SLC25A51: variants seen among roughly 807,000 people sequenced by gnomAD.
SLC25A51 encodes the protein solute carrier family 25 member 51, also known as mitochondrial nicotinamide adenine dinucleotide transporter SLC25A51.
A neutral mutation model predicts 19.1 loss-of-function variants in SLC25A51; 11 were observed. The observed-to-expected ratio is 0.58, with a 90% CI of 0.36 to 0.96. The LOEUF is 0.96. Ranked by LOEUF, SLC25A51 falls within the 40% of genes least tolerant of loss-of-function variation. The probability of loss-of-function intolerance (pLI) is 0.01; values close to 1 mark genes in which losing one functional copy is unlikely to be tolerated. For synonymous variants in SLC25A51, 105 were observed against 133.6 expected (o/e 0.79, Z 1.47); for missense variants, 201 against 365.4 (o/e 0.55, Z 3.67).
chr9:37,896,244 G>C (rs1423424599), intron 2 of SLC25A51, among the ~76,000 whole-genome samples: 1 of 152,012 alleles, frequency 6.6e-6, no homozygotes, highest in African/African-American at 2.4e-5. Context: ...ATACCCACGG[G>C]CGTTTGCGTT....
At chr9:37,897,399 A>C (rs1831741838) in intron 2 of SLC25A51, among the ~76,000 whole-genome samples, 2 of 152,028 alleles carry the variant, frequency 1.3e-5, no homozygotes, top group Non-Finnish European at 1.5e-5. Context: ...CAGTTTTCTA[A>C]CTAGTTTTCG....
chr9:37,881,689 T>C (rs1247013991), intron 2 of SLC25A51: 2 of 152,150 alleles, frequency 1.3e-5, no homozygotes, highest in Non-Finnish European at 2.9e-5. Context: ...ATAAAACTTA[T>C]ATGAAACCCC....
intron 1 of SLC25A51, among the ~76,000 whole-genome samples, chr9:37,903,067 G>A (rs1251416881): frequency 2.6e-5 from 4 of 152,158 alleles, no homozygotes; most frequent in African/African-American, 7.2e-5. Flanking sequence ...TTTACCAAAC[G>A]AGAGATCAGA....
chr9:37,885,907 G>A, downstream of SLC25A51: 2 of 1,603,970 alleles, frequency 1.2e-6, no homozygotes, highest in South Asian at 1.1e-5. Flanking sequence ...TGGGCCCTGA[G>A]TATATCAAGT....
chr9:37,900,538 G>A (rs575927129), intron 1 of SLC25A51, among the ~76,000 whole-genome samples: 4 of 152,026 alleles, frequency 2.6e-5, no homozygotes, highest in African/African-American at 4.8e-5. Flanking sequence ...CTGGACCCCT[G>A]GGGCCTCAGT....
In SLC25A51 at chr9:37,887,855, A is replaced by C. The variant is rs1194310474; in HGVS notation, c.696T>G (p.Ile232Met). The change falls in exon 3 of 3, where the codon ATT becomes ATG. Residue 232 changes from isoleucine (I) to methionine (M), a missense_variant. Physicochemically the swap from Ile to Met is conservative, Grantham distance 10. Coordinates refer to ENST00000242275, the MANE Select transcript of SLC25A51 (RefSeq NM_033412.4). ...GAMLGFLFFP[I>M]NVVKTRIQSQ... ...ACTGTATGCGAGTTTTTACAACATT[A>C]ATTGGAAAAAACAAGAATCCCAACA... The C allele has an allele frequency of 6.2e-7, 1 of 1,612,354 alleles. No individual in the cohort carries two copies. Among genetic ancestry groups the C allele is most frequent in the Admixed American group, 1.7e-5 (1 of 60,014 alleles).
downstream of SLC25A51, chr9:37,886,392 A>C (rs1193955472): frequency 1.4e-5 from 23 of 1,589,490 alleles, no homozygotes; most frequent in Admixed American, 1.6e-4. Flanking sequence ...GATAAATAAG[A>C]TCCTCACTTT....
rs149944067 is a variant in SLC25A51, at chr9:37,900,202, T to C, written c.-164-252A>G. ...TGGCTCACGCCTGTAATCCCATCACTTTGGGAGGCCAAGGCAGGCGAATCA... is the reference window on the plus strand; with the variant it reads ...TGGCTCACGCCTGTAATCCCATCACCTTGGGAGGCCAAGGCAGGCGAATCA... On this transcript the variant is annotated intron_variant, in intron 1 of 2. Transcript: ENST00000242275. Among the ~76,000 whole-genome samples, 13 of 151,668 alleles carry C rather than the reference T, an allele frequency of 8.6e-5. No homozygotes were observed. The East Asian group carries it at 2.4e-3, about 28-fold the overall frequency.
chr9:37,887,698 T>C lies in SLC25A51; in HGVS notation c.853A>G (p.Ile285Val), dbSNP rs1210331177. The change falls in exon 3 of 3, where the codon ATA becomes GTA. Residue 285 changes from isoleucine to valine, a missense_variant. Transcript: ENST00000242275. ...AAGAACTCATAAGTTGCATTGATTATGCCCCAAGAGATGAGGGACCGATGG... is the reference window on the plus strand; with the variant it reads ...AAGAACTCATAAGTTGCATTGATTACGCCCCAAGAGATGAGGGACCGATGG... ...NYHRSLISWG[I>V]INATYEFLLK... is the part of the protein sequence containing the mutation. 2 of 1,613,398 alleles carry C rather than the reference T, an allele frequency of 1.2e-6. No homozygotes were observed. The highest frequency in any genetic ancestry group is 2.2e-5 in the East Asian group (1 of 44,892).
chr9:37,886,321 C>A, downstream of SLC25A51: 1 of 1,613,940 alleles, frequency 6.2e-7, no homozygotes. Flanking sequence ...GAGACAATAT[C>A]CCTGAGGAGC....
intron 2 of SLC25A51, among the ~76,000 whole-genome samples, chr9:37,891,873 T>C (rs907249004): frequency 1.5e-5 from 2 of 131,734 alleles, no homozygotes; most frequent in Non-Finnish European, 3.2e-5. Context: ...AAATTTTATA[T>C]ATATATATAT....
At chr9:37,885,818 G>C, downstream of SLC25A51, 1 of 1,605,724 alleles carries the variant, frequency 6.2e-7, no homozygotes. Flanking sequence ...TCTTCCGCTT[G>C]GATATTCGCA....
chr9:37,884,369 CTT>C (rs1159181598), downstream of SLC25A51, among the ~76,000 whole-genome samples: 10 of 152,220 alleles, frequency 6.6e-5, no homozygotes, highest in Non-Finnish European at 1.5e-5. Flanking sequence ...CTTCAAATGT[CTT>C]TATTTAGATC....
chr9:37,892,821 C>T (rs1831624414), intron 2 of SLC25A51, among the ~76,000 whole-genome samples: 1 of 151,824 alleles, frequency 6.6e-6, no homozygotes, highest in Non-Finnish European at 1.5e-5. Flanking sequence ...CTCACTGCAA[C>T]CTCTGCCTCC....
rs532037354 is a variant in SLC25A51, at chr9:37,893,978, G to A, written c.-42-5386C>T. Among the ~76,000 whole-genome samples the A allele has an allele frequency of 2.0e-4, 30 of 152,022 alleles. No individual in the cohort carries two copies. In the South Asian group the frequency reaches 3.9e-3, roughly 20 times the overall value. On this transcript the variant is annotated intron_variant, in intron 2 of 2. Coordinates refer to ENST00000242275, the MANE Select transcript of SLC25A51 (RefSeq NM_033412.4). ...ATTCCCTGCCCTCTTCAACCTACTC[G>A]TCATTTTAAAAAGAAACACACACAC...
downstream of SLC25A51, chr9:37,879,106 C>T (rs973046762): frequency 1.7e-5 from 6 of 353,352 alleles, no homozygotes; most frequent in Non-Finnish European, 3.4e-5. Flanking sequence ...GAAATTTTGG[C>T]ATTCCATGTA....
chr9:37,888,658 C>A (rs528560751), intron 2 of SLC25A51, 66 bp from the exon 3 acceptor site: 2 of 1,225,332 alleles, frequency 1.6e-6, no homozygotes, highest in African/African-American at 1.5e-5. Context: ...GGCTTTCTCC[C>A]TAATCCATCC....
downstream of SLC25A51, chr9:37,886,012 A>G: frequency 6.2e-7 from 1 of 1,613,764 alleles, no homozygotes; most frequent in Non-Finnish European, 8.5e-7. Flanking sequence ...ATGACTGCCA[A>G]TCATTTGCCC....
intron 2 of SLC25A51, among the ~76,000 whole-genome samples, chr9:37,892,983 G>A (rs531905438): frequency 6.6e-6 from 1 of 152,026 alleles, no homozygotes; most frequent in Non-Finnish European, 1.5e-5. Flanking sequence ...CAGGTGATCC[G>A]CCCGCCTTGG....
Sources: gnomAD v4.1 joint callset for allele counts (sites outside exome capture counted in the v4.1 genomes callset) on GRCh38, gnomAD v4.1.1 for gene constraint, MANE v1.5 for transcripts, NCBI Gene and HGNC (gene_info 2026-07-23, HGNC 2026-07-21) for gene names.